Variants in HOMER2 observed in about 807,000 individuals in gnomAD.
HOMER2 encodes homer protein homolog 2.
HOMER2 carries 27 observed loss-of-function variants against 47.0 expected under a neutral mutation model. The ratio of observed to expected loss-of-function variants is 0.57; its 90% CI spans 0.42 to 0.79. HOMER2 has a LOEUF of 0.79. HOMER2 is among the 30% of genes least tolerant of loss of function. The pLI, the probability that HOMER2 is intolerant of heterozygous loss-of-function variation, is 0.00. For synonymous variants in HOMER2, 161 were observed against 163.8 expected, an observed-to-expected ratio of 0.98 and a Z score of 0.13; for missense variants, 443 against 435.0, an observed-to-expected ratio of 1.02 and a Z score of -0.16.
In HOMER2 at chr15:82,892,787, G is replaced by T; in HGVS notation, c.60C>A (p.Thr20=). ...TGCTCGCAGGCATCCAGTTCTTCTT[G>T]GTGTTGGGGTCAATCTGGAAGACAT... The part of the protein sequence containing the change: ...RAHVFQIDPN[T]KKNWMPASKQ... The change falls in exon 2 of 9, where the codon ACC becomes ACA. Residue 20 remains threonine (T), a synonymous_variant. Transcript: ENST00000450735. The T allele has an allele frequency of 6.2e-7, 1 of 1,606,430 alleles. No homozygotes were observed. The highest frequency in any genetic ancestry group is 1.3e-5 in the African/African-American group (1 of 74,964).
At chr15:82,954,298 A>T (rs1055916041), upstream of HOMER2, among the ~76,000 whole-genome samples, 3 of 149,184 alleles carry the variant, frequency 2.0e-5, no homozygotes, top group Non-Finnish European at 3.0e-5. Context: ...TATTTTTATT[A>T]TTTTTTTTTT....
intron 1 of HOMER2, among the ~76,000 whole-genome samples, chr15:82,897,461 G>A (rs530475673): frequency 9.9e-5 from 15 of 152,166 alleles, no homozygotes; most frequent in African/African-American, 1.4e-4. Context: ...AGGCAGCTTC[G>A]GATGTGACTC....
chr15:82,940,780 C>T lies in HOMER2; in HGVS notation c.5+11751G>A, dbSNP rs116311971. Among the ~76,000 whole-genome samples, 318 of 152,016 alleles carry T rather than the reference C, an allele frequency of 2.1e-3. 2 individuals are homozygous for T. Among genetic ancestry groups the T allele is most frequent in the African/African-American group, 7.0e-3 (292 of 41,466 alleles). On this transcript the variant is annotated intron_variant, in intron 1 of 8. Transcript: ENST00000450735. Reference sequence around the variant, plus strand: ...TGGTGGCATGTGCCTGCGGCCCCAGCTACTCAGGAGGTTGAGGTGGGAGGA... The same window carrying T: ...TGGTGGCATGTGCCTGCGGCCCCAGTTACTCAGGAGGTTGAGGTGGGAGGA...
chr15:82,877,459 G>T (rs1258602379), intron 2 of HOMER2, among the ~76,000 whole-genome samples: 1 of 152,060 alleles, frequency 6.6e-6, no homozygotes. Context: ...GTGAACCACC[G>T]CACCTGGCTG....
intron 1 of HOMER2, among the ~76,000 whole-genome samples, chr15:82,946,171 G>A (rs572824849): frequency 1.4e-4 from 22 of 152,238 alleles, no homozygotes; most frequent in African/African-American, 3.9e-4. Flanking sequence ...GAGTCTATTC[G>A]ACAAAAATAA....
chr15:82,934,113 A>G (rs73451123), intron 1 of HOMER2, among the ~76,000 whole-genome samples: 3,892 of 152,182 alleles, frequency 0.026, 175 homozygotes, highest in African/African-American at 0.09. Context: ...CCCTGAGAGC[A>G]ACACTCCCCA....
intron 8 of HOMER2, 33 bp downstream of exon 8, chr15:82,851,118 G>C: frequency 7.1e-7 from 1 of 1,410,270 alleles, no homozygotes; most frequent in South Asian, 1.2e-5. Context: ...CTTCTTGTCT[G>C]AGCCAGGATG....
chr15:82,979,079 T>C (rs771602048), intron 1 of HOMER2, among the ~76,000 whole-genome samples: 5 of 152,228 alleles, frequency 3.3e-5, no homozygotes, highest in Admixed American at 6.5e-5. Flanking sequence ...TTCTCTCTCC[T>C]GCCACCATAT....
chr15:82,972,411 C>T (rs936555156), intron 1 of HOMER2, among the ~76,000 whole-genome samples: 44 of 152,160 alleles, frequency 2.9e-4, no homozygotes, highest in African/African-American at 9.4e-4. Context: ...GCCATGGCCA[C>T]GTCGGCCATG....
At chr15:82,935,100 G>A (rs867495729) in intron 1 of HOMER2, among the ~76,000 whole-genome samples, 8 of 152,074 alleles carry the variant, frequency 5.3e-5, no homozygotes, top group African/African-American at 1.7e-4. Flanking sequence ...AACTGGCAGC[G>A]CTCCCCTCAC....
chr15:82,858,775 C>A (rs1027894327), intron 5 of HOMER2, among the ~76,000 whole-genome samples: 1 of 152,066 alleles, frequency 6.6e-6, no homozygotes, highest in Non-Finnish European at 1.5e-5. Context: ...CACACATTTA[C>A]ATACTCACAA....
At chr15:82,874,625 G>C (rs1483775681) in intron 3 of HOMER2, among the ~76,000 whole-genome samples, 1 of 152,036 alleles carries the variant, frequency 6.6e-6, no homozygotes, top group African/African-American at 2.4e-5. Context: ...CCTCTCCCTA[G>C]AAAAAAAGTA....
At chr15:82,974,992 C>G (rs919961700) in intron 1 of HOMER2, among the ~76,000 whole-genome samples, 1 of 152,162 alleles carries the variant, frequency 6.6e-6, no homozygotes. Context: ...ATCACGTGAA[C>G]CCAGGTGGCA....
At chr15:82,946,540 C>T (rs1367402608) in intron 1 of HOMER2, among the ~76,000 whole-genome samples, 3 of 152,162 alleles carry the variant, frequency 2.0e-5, no homozygotes, top group Non-Finnish European at 4.4e-5. Flanking sequence ...CCCTCAGACA[C>T]CTCCATGGCT....
upstream of HOMER2, chr15:82,985,952 C>G (rs1190248462): frequency 1.9e-6 from 1 of 521,628 alleles, no homozygotes; most frequent in East Asian, 1.5e-4. Context: ...GAACTTCCGT[C>G]TCTACCCGTC....
chr15:82,892,395 A>G lies in HOMER2; in HGVS notation c.162+290T>C, dbSNP rs78549598. Among the ~76,000 whole-genome samples, 361 of 152,330 alleles carry G rather than the reference A, an allele frequency of 2.4e-3. 2 individuals carry two copies. Among genetic ancestry groups the G allele is most frequent in the African/African-American group, 7.9e-3 (329 of 41,562 alleles). ...TACATGAAGATGCTCATTATTTATA[A>G]TAGCAAAACATTGGAAGCCACTTAA... On this transcript the variant is annotated intron_variant, in intron 2 of 8. Transcript: ENST00000450735.
chr15:82,849,678 T>G lies in HOMER2; in HGVS notation c.*37A>C. On this transcript the variant is annotated 3_prime_UTR_variant, in exon 9 of 9. Transcript: ENST00000450735. ...GAGCTATCTGGTCTCGCACACACGC[T>G]TGGGACTCACGGGCGGGGCCTGGGC... The G allele has an allele frequency of 3.2e-6, 5 of 1,586,966 alleles. No homozygotes were observed. Among genetic ancestry groups the G allele is most frequent in the Non-Finnish European group, 3.4e-6 (4 of 1,163,652 alleles).
At position 82,892,810 on chromosome 15, in the gene HOMER2, C is replaced by T. The variant is rs1567036660; in HGVS notation, c.37G>A (p.Val13Ile). 1 of 1,603,198 alleles carries T rather than the reference C, an allele frequency of 6.2e-7. No individual in the cohort carries two copies. The highest frequency in any genetic ancestry group is 8.5e-7 in the Non-Finnish European group (1 of 1,172,388). The change falls in exon 2 of 9, where the codon GTC (valine) becomes ATC (isoleucine). Residue 13 changes from valine (V) to isoleucine (I), a missense_variant. Transcript: ENST00000450735. ...TTGGTGTTGGGGTCAATCTGGAAGA[C>T]ATGCGCTCGGGTGGTGAAGATGGGC... The part of the protein sequence containing the change: ...EQPIFTTRAH[V>I]FQIDPNTKKN...
intron 1 of HOMER2, among the ~76,000 whole-genome samples, chr15:82,929,894 CT>C (rs1180506953): frequency 6.6e-6 from 1 of 151,860 alleles, no homozygotes; most frequent in African/African-American, 2.4e-5. Flanking sequence ...CCACGCCTGG[CT>C]AATTTTGTAT....
Sources: gnomAD v4.1 joint callset for allele counts (sites outside exome capture counted in the v4.1 genomes callset) on GRCh38, gnomAD v4.1.1 for gene constraint, MANE v1.5 for transcripts, NCBI Gene and HGNC (gene_info 2026-07-23, HGNC 2026-07-21) for gene names.